The following TENM3 variants were observed in gnomAD, a reference collection of about 807,000 sequenced individuals.
TENM3 encodes the protein teneurin-3.
Under a neutral mutation model 255.1 loss-of-function variants are expected in TENM3, and 63 were observed. The observed-to-expected ratio is 0.25, with a 90% CI of 0.20 to 0.30. The LOEUF (loss-of-function observed/expected upper bound fraction) is 0.30, where lower values mean the gene tolerates loss of function less well. Ranked by LOEUF, TENM3 falls within the 10% of genes least tolerant of loss-of-function variation. The pLI is 1.00. For missense variants in TENM3, 2,929 were observed against 3,461.1 expected, an observed-to-expected ratio of 0.85 and a Z score of 3.86; for synonymous variants, 1,306 against 1,322.3, an observed-to-expected ratio of 0.99 and a Z score of 0.27.
At chr4:182,190,073 T>G (rs1753415818) in intron 1 of TENM3, 2 of 152,250 alleles carry the variant, frequency 1.3e-5, no homozygotes, top group South Asian at 4.1e-4. Flanking sequence ...TTGAGTTCTT[T>G]CCTACACTGT....
At chr4:182,278,393 A>G (rs1438244831) in intron 1 of TENM3, among the ~76,000 whole-genome samples, 1 of 152,110 alleles carries the variant, frequency 6.6e-6, no homozygotes, top group East Asian at 1.9e-4. Context: ...GAAAAAGAAA[A>G]AAAAGAAATG....
chr4:181,702,145 T>C, the TENM3 span, among the ~76,000 whole-genome samples: 3 of 152,188 alleles, frequency 2.0e-5, no homozygotes, highest in Non-Finnish European at 2.9e-5. Context: ...CAAATAGAAG[T>C]GAGTTTCAGA....
At chr4:181,464,320 T>C in the TENM3 span, among the ~76,000 whole-genome samples, 1 of 152,220 alleles carries the variant, frequency 6.6e-6, no homozygotes, top group Non-Finnish European at 1.5e-5. Context: ...ATTGTCATTG[T>C]CTGTCCTTTT....
At chr4:182,698,332 A>G (rs1303660681) in intron 12 of TENM3, among the ~76,000 whole-genome samples, 3 of 152,204 alleles carry the variant, frequency 2.0e-5, no homozygotes, top group Non-Finnish European at 2.9e-5. Flanking sequence ...GGACTCTTCT[A>G]CCAACCTCTG....
chr4:182,456,610 T>C (rs186270565), intron 3 of TENM3, among the ~76,000 whole-genome samples: 11 of 152,234 alleles, frequency 7.2e-5, no homozygotes, highest in Non-Finnish European at 1.5e-4. Flanking sequence ...ATAAAGATAC[T>C]CATGATTATA....
At chr4:181,979,097 C>CATATAT in the TENM3 span, among the ~76,000 whole-genome samples, 1 of 30,386 alleles carries the variant, frequency 3.3e-5, no homozygotes, top group Non-Finnish European at 6.3e-5. Flanking sequence ...TTAAGCCTGA[C>CATATAT]ATATATATAT....
the TENM3 span, among the ~76,000 whole-genome samples, chr4:182,026,863 A>G: frequency 2.6e-5 from 4 of 151,858 alleles, no homozygotes; most frequent in African/African-American, 9.7e-5. Context: ...GGTTACTATA[A>G]CTCTGCAGTA....
At chr4:181,801,695 T>TATATATATATATAC in the TENM3 span, among the ~76,000 whole-genome samples, 1 of 125,910 alleles carries the variant, frequency 7.9e-6, no homozygotes, top group African/African-American at 3.1e-5. Context: ...TATATATATA[T>TATATATATATATAC]ATGCAACAAT....
At chr4:181,929,666 T>G in the TENM3 span, among the ~76,000 whole-genome samples, 1 of 152,134 alleles carries the variant, frequency 6.6e-6, no homozygotes, top group African/African-American at 2.4e-5. Flanking sequence ...TGAACTCAGC[T>G]CCTACCAAGT....
intron 1 of TENM3, among the ~76,000 whole-genome samples, chr4:182,268,417 G>T (rs990019473): frequency 6.6e-6 from 1 of 151,950 alleles, no homozygotes; most frequent in Non-Finnish European, 1.5e-5. Flanking sequence ...ATGAGTCTTC[G>T]TCCCTCTGCA....
the TENM3 span, among the ~76,000 whole-genome samples, chr4:181,902,376 A>C: frequency 4.4e-4 from 67 of 152,218 alleles, 1 homozygote; most frequent in South Asian, 0.013. Context: ...CCCATTTGTC[A>C]ATTTTGGCTT....
At chr4:182,010,979 C>T in the TENM3 span, among the ~76,000 whole-genome samples, 6 of 152,226 alleles carry the variant, frequency 3.9e-5, no homozygotes, top group Admixed American at 6.5e-5. Context: ...TTCTCAGTTG[C>T]ATCTTCTCCA....
At chr4:182,564,564 G>GT (rs1207147264) in intron 3 of TENM3, among the ~76,000 whole-genome samples, 1 of 137,282 alleles carries the variant, frequency 7.3e-6, no homozygotes, top group Non-Finnish European at 1.6e-5. Flanking sequence ...TTGTTTTTTT[G>GT]TTTTTGTTTT....
the TENM3 span, among the ~76,000 whole-genome samples, chr4:182,127,575 T>C: frequency 6.6e-6 from 1 of 152,302 alleles, no homozygotes; most frequent in South Asian, 2.1e-4. Context: ...TTCTGAACAA[T>C]AGTATTTCAA....
the TENM3 span, among the ~76,000 whole-genome samples, chr4:181,909,921 A>G: frequency 3.9e-5 from 6 of 152,322 alleles, no homozygotes; most frequent in East Asian, 1.2e-3. Context: ...ATATCCACTG[A>G]AATTTTGTAG....
the TENM3 span, among the ~76,000 whole-genome samples, chr4:182,074,268 T>G: frequency 6.6e-6 from 1 of 152,132 alleles, no homozygotes; most frequent in Non-Finnish European, 1.5e-5. Flanking sequence ...TGCTGCCTGT[T>G]TATGGAGCTG....
At chr4:181,618,000 A>G in the TENM3 span, among the ~76,000 whole-genome samples, 6 of 152,202 alleles carry the variant, frequency 3.9e-5, no homozygotes, top group East Asian at 3.8e-4. Context: ...TTGAAGTTCT[A>G]TATCTGAGCT....
chr4:181,893,491 AC>A, the TENM3 span, among the ~76,000 whole-genome samples: 270 of 24,912 alleles, frequency 0.011, 7 homozygotes, highest in South Asian at 0.13. Flanking sequence ...TCCCCTGCCC[AC>A]CCCCCCCCCA....
the TENM3 span, among the ~76,000 whole-genome samples, chr4:181,563,199 G>A: frequency 6.6e-6 from 1 of 152,138 alleles, no homozygotes; most frequent in Non-Finnish European, 1.5e-5. Flanking sequence ...TCGTCAGCAG[G>A]GCTGGTTCCT....
Sources: gnomAD v4.1 joint callset for allele counts (sites outside exome capture counted in the v4.1 genomes callset) on GRCh38, gnomAD v4.1.1 for gene constraint, MANE v1.5 for transcripts, NCBI Gene and HGNC (gene_info 2026-07-23, HGNC 2026-07-21) for gene names.